Variants in ARMC2 observed in about 807,000 individuals in gnomAD.
ARMC2 encodes the protein armadillo repeat-containing protein 2.
ARMC2 carries 67 observed loss-of-function variants against 90.3 expected under a neutral mutation model. That is an observed-to-expected ratio of 0.74 (90% CI 0.61 to 0.91). The LOEUF (loss-of-function observed/expected upper bound fraction) is 0.91, where lower values mean the gene tolerates loss of function less well. Among genes scored for constraint, ARMC2 ranks in the 40% least tolerant of loss-of-function variants. The probability of loss-of-function intolerance (pLI) is 0.00; values close to 1 mark genes in which losing one functional copy is unlikely to be tolerated. For synonymous variants in ARMC2, 393 were observed against 393.0 expected (o/e 1.00, Z 0.00); for missense variants, 920 against 1,030.9 (o/e 0.89, Z 1.47).
At chr6:109,044,572 A>C in the ARMC2 span, among the ~76,000 whole-genome samples, 1 of 152,098 alleles carries the variant, frequency 6.6e-6, no homozygotes, top group South Asian at 2.1e-4. Flanking sequence ...GAATATCTAC[A>C]TCTAGATCAC....
intron 11 of ARMC2, 144 bp downstream of exon 11, chr6:108,928,377 C>G: frequency 1.2e-6 from 1 of 829,674 alleles, no homozygotes; most frequent in Non-Finnish European, 1.7e-6. Context: ...ATCTAGTGGC[C>G]CAAGTTAAAA....
chr6:108,853,880 CTG>C (rs971634884), intron 1 of ARMC2, among the ~76,000 whole-genome samples: 5 of 152,098 alleles, frequency 3.3e-5, no homozygotes, highest in African/African-American at 9.7e-5. Flanking sequence ...GAAAAGGAAA[CTG>C]TAAACATTTT....
chr6:108,976,539 A>T (rs1195719259), downstream of ARMC2, among the ~76,000 whole-genome samples: 2 of 152,184 alleles, frequency 1.3e-5, no homozygotes, highest in Non-Finnish European at 2.9e-5. Context: ...CAATTCTGTG[A>T]AGAAAGTCAG....
chr6:109,026,730 C>A, the ARMC2 span, among the ~76,000 whole-genome samples: 1 of 152,004 alleles, frequency 6.6e-6, no homozygotes, highest in Non-Finnish European at 1.5e-5. Context: ...GTCTCGATCT[C>A]TTGACCTCAT....
At chr6:108,990,626 A>G in the ARMC2 span, 1 of 1,611,942 alleles carries the variant, frequency 6.2e-7, no homozygotes, top group Non-Finnish European at 8.5e-7. Flanking sequence ...CTCTTTATAA[A>G]CACAGAAAGA....
At chr6:108,986,592 A>C in the ARMC2 span, 2 of 152,654 alleles carry the variant, frequency 1.3e-5, no homozygotes, top group African/African-American at 4.8e-5. Flanking sequence ...ATCAAATTTG[A>C]TAACCCGACT....
chr6:108,948,501 T>G (rs1235024525), intron 12 of ARMC2, among the ~76,000 whole-genome samples: 4 of 150,722 alleles, frequency 2.7e-5, no homozygotes, highest in Non-Finnish European at 5.9e-5. Context: ...TAAGCAGAGA[T>G]AGCAGTTGCT....
chr6:108,880,186 G>C (rs1432911681), intron 5 of ARMC2: 1 of 341,382 alleles, frequency 2.9e-6, no homozygotes, highest in East Asian at 7.7e-5. Context: ...TGCAGTATAG[G>C]CTTGATTTTT....
intron 10 of ARMC2, among the ~76,000 whole-genome samples, chr6:108,920,005 A>T (rs1583117937): frequency 6.6e-6 from 1 of 152,160 alleles, no homozygotes; most frequent in Non-Finnish European, 1.5e-5. Flanking sequence ...CCCAGTGGTG[A>T]TATCTTACAT....
the ARMC2 span, among the ~76,000 whole-genome samples, chr6:109,016,743 C>T: frequency 2.6e-5 from 4 of 152,150 alleles, no homozygotes; most frequent in South Asian, 8.3e-4. Flanking sequence ...AAAACATACT[C>T]TCAAACAATA....
At chr6:108,857,117 A>G (rs1262618441) in intron 2 of ARMC2, among the ~76,000 whole-genome samples, 3 of 152,174 alleles carry the variant, frequency 2.0e-5, no homozygotes, top group East Asian at 1.9e-4. Context: ...ACTTGCCAGG[A>G]TTTTGACTGC....
chr6:108,915,219 G>A (rs1236914417), intron 10 of ARMC2, among the ~76,000 whole-genome samples: 2 of 152,138 alleles, frequency 1.3e-5, no homozygotes, highest in Non-Finnish European at 2.9e-5. Context: ...GCCTCCCAAA[G>A]TGCTGGGATT....
intron 5 of ARMC2, among the ~76,000 whole-genome samples, chr6:108,889,508 A>C (rs7761385): frequency 0.77 from 117,155 of 151,196 alleles, 45,802 homozygotes; most frequent in South Asian, 0.85. Context: ...TGGCACAATC[A>C]CAGCTCACTG....
the ARMC2 span, among the ~76,000 whole-genome samples, chr6:108,994,266 T>C: frequency 2.6e-5 from 4 of 152,254 alleles, no homozygotes; most frequent in South Asian, 8.3e-4. Context: ...TCCTCCCCCT[T>C]AGTCTAGGAT....
At chr6:109,023,379 A>G in the ARMC2 span, among the ~76,000 whole-genome samples, 1 of 152,220 alleles carries the variant, frequency 6.6e-6, no homozygotes, top group African/African-American at 2.4e-5. Flanking sequence ...CATGCTGAAT[A>G]AGGAAAATCT....
chr6:108,950,104 G>T (rs939111723), intron 12 of ARMC2, among the ~76,000 whole-genome samples: 1 of 152,138 alleles, frequency 6.6e-6, no homozygotes, highest in African/African-American at 2.4e-5. Flanking sequence ...TACTTGGGAG[G>T]CTGAGACAGA....
At chr6:108,937,485 C>T (rs1776048823) in intron 12 of ARMC2, among the ~76,000 whole-genome samples, 1 of 152,080 alleles carries the variant, frequency 6.6e-6, no homozygotes, top group Non-Finnish European at 1.5e-5. Flanking sequence ...CTGGATAGTC[C>T]CTGAAGATTC....
At chr6:109,000,330 C>T in the ARMC2 span, 2 of 482,158 alleles carry the variant, frequency 4.1e-6, no homozygotes, top group South Asian at 5.4e-5. Context: ...GCAAATGTAC[C>T]ACAGAAATGC....
chr6:108,997,117 A>G, the ARMC2 span, among the ~76,000 whole-genome samples: 3 of 150,510 alleles, frequency 2.0e-5, no homozygotes, highest in South Asian at 2.2e-4. Context: ...AGAACAAGCC[A>G]TATCAGCTCA....
Sources: gnomAD v4.1 joint callset for allele counts (sites outside exome capture counted in the v4.1 genomes callset) on GRCh38, gnomAD v4.1.1 for gene constraint, MANE v1.5 for transcripts, NCBI Gene and HGNC (gene_info 2026-07-23, HGNC 2026-07-21) for gene names.